The following OSBP variants were observed in gnomAD, a reference collection of about 807,000 sequenced individuals.
OSBP encodes oxysterol-binding protein 1.
OSBP carries 32 observed loss-of-function variants against 96.6 expected under a neutral mutation model. The observed-to-expected ratio is 0.33, with a 90% CI of 0.25 to 0.45. The LOEUF is 0.45. Among genes scored for constraint, OSBP ranks in the 20% least tolerant of loss-of-function variants. OSBP has a pLI of 1.00. For missense variants in OSBP, 653 were observed against 1,029.7 expected (o/e 0.63, Z 5.01); for synonymous variants, 369 against 389.6 (o/e 0.95, Z 0.62).
chr11:59,588,452 C>G (rs1383817337), intron 9 of OSBP, among the ~76,000 whole-genome samples: 3 of 151,172 alleles, frequency 2.0e-5, no homozygotes. Context: ...ACAAGAATCG[C>G]TTGAACCTGG....
At position 59,601,749 on chromosome 11, in the gene OSBP, C is replaced by T. The variant is rs1860727304; in HGVS notation, c.912G>A (p.Leu304=). ...TCGCCAGCTGCTCGAGGGTTTCTTC[C>T]AGTCGGATACGCTGGTCTCTTTCAT... is the stretch of plus-strand genomic sequence containing the variant. The part of the protein sequence containing the change: ...LQYERDQRIR[L]EETLEQLAKQ... The change falls in exon 4 of 14, where the codon CTG becomes CTA. Residue 304 remains leucine (L), a synonymous_variant. Coordinates refer to ENST00000263847, the MANE Select transcript of OSBP (RefSeq NM_002556.3). 1 of 1,614,180 alleles carries T rather than the reference C, an allele frequency of 6.2e-7. No individual in the cohort carries two copies. Among genetic ancestry groups the T allele is most frequent in the Non-Finnish European group, 8.5e-7 (1 of 1,180,036 alleles).
At chr11:59,604,572 T>C (rs149886721) in intron 3 of OSBP, among the ~76,000 whole-genome samples, 2,618 of 151,856 alleles carry the variant, frequency 0.017, 77 homozygotes, top group African/African-American at 0.06. Context: ...CATGGTGATG[T>C]GCGCCTGTAG....
At chr11:59,610,709 G>A in intron 1 of OSBP, 120 bp from the exon 2 acceptor site, 1 of 772,542 alleles carries the variant, frequency 1.3e-6, no homozygotes, top group East Asian at 2.7e-5. Context: ...GAATCAGCAA[G>A]TTCTAGTCCC....
chr11:59,608,203 G>A (rs1427545905), intron 3 of OSBP, among the ~76,000 whole-genome samples: 2 of 152,152 alleles, frequency 1.3e-5, no homozygotes, highest in Non-Finnish European at 2.9e-5. Context: ...ATACTGATCA[G>A]ATGTCCTAGT....
intron 7 of OSBP, among the ~76,000 whole-genome samples, chr11:59,594,914 CATGTGTGTGTTT>C (rs1373627709): frequency 6.6e-6 from 1 of 151,998 alleles, no homozygotes; most frequent in Admixed American, 6.5e-5. Flanking sequence ...ATAAAGCAAG[CATGTGTGTGTTT>C]ATGTGTGTGT....
Position 59,593,056 on chromosome 11 carries a change from C to G in OSBP, c.1678+548G>C, listed in dbSNP as rs1229241218. Among the ~76,000 whole-genome samples the G allele has an allele frequency of 2.6e-5, 4 of 152,132 alleles. No individual in the cohort carries two copies. In the East Asian group the frequency reaches 7.7e-4, roughly 29 times the overall value. ...CAGACAATCTGCCTGCCCTGGCCTCCCAAAGTGCTAGGATTACAGGGGTGA... is the reference window on the plus strand; with the variant it reads ...CAGACAATCTGCCTGCCCTGGCCTCGCAAAGTGCTAGGATTACAGGGGTGA... On this transcript the variant is annotated intron_variant, in intron 9 of 13. Transcript: ENST00000263847.
intron 7 of OSBP, among the ~76,000 whole-genome samples, 196 bp from the exon 8 acceptor site, chr11:59,594,451 T>C (rs918895721): frequency 1.3e-5 from 2 of 152,226 alleles, no homozygotes; most frequent in African/African-American, 4.8e-5. Flanking sequence ...ATCACTGTTT[T>C]CATTTCACTA....
intron 9 of OSBP, among the ~76,000 whole-genome samples, chr11:59,583,659 T>TTTTTC (rs1554979383): frequency 1.5e-5 from 2 of 137,698 alleles, no homozygotes; most frequent in East Asian, 2.1e-4. Context: ...TTTTTTTTTT[T>TTTTTC]TCGAGATGGA....
intron 7 of OSBP, among the ~76,000 whole-genome samples, chr11:59,599,027 G>C (rs759397856): frequency 1.3e-5 from 2 of 152,268 alleles, no homozygotes; most frequent in Non-Finnish European, 2.9e-5. Context: ...CCCCAGGACA[G>C]AAAGAAGCCT....
At chr11:59,611,993 T>C (rs973898389) in intron 1 of OSBP, among the ~76,000 whole-genome samples, 1 of 152,206 alleles carries the variant, frequency 6.6e-6, no homozygotes, top group South Asian at 2.1e-4. Flanking sequence ...CCTGTCCAAA[T>C]TGGAACACAG....
chr11:59,612,482 G>T (rs1002995850), intron 1 of OSBP, among the ~76,000 whole-genome samples: 2 of 152,038 alleles, frequency 1.3e-5, no homozygotes, highest in African/African-American at 4.8e-5. Flanking sequence ...TCTTCTGCCT[G>T]GGTCATCATT....
chr11:59,584,983 C>T (rs908721154), intron 9 of OSBP, among the ~76,000 whole-genome samples: 1 of 152,200 alleles, frequency 6.6e-6, no homozygotes, highest in East Asian at 1.9e-4. Context: ...TCTCGGCTCG[C>T]TACAACCTCC....
At chr11:59,589,865 C>A (rs143832392) in intron 9 of OSBP, among the ~76,000 whole-genome samples, 3 of 152,150 alleles carry the variant, frequency 2.0e-5, no homozygotes. Flanking sequence ...CACCTGTAAT[C>A]CCAGCTACTC....
intron 3 of OSBP, among the ~76,000 whole-genome samples, chr11:59,605,476 G>A (rs1474870664): frequency 6.6e-6 from 1 of 152,090 alleles, no homozygotes; most frequent in East Asian, 1.9e-4. Context: ...GCAGTGCTAC[G>A]ATCTCAGCTC....
In OSBP at chr11:59,574,543, G is replaced by A. The variant is rs1486216787; in HGVS notation, c.*2034C>T. 4 of 152,184 alleles carry A rather than the reference G, an allele frequency of 2.6e-5. No individual in the cohort carries two copies. Among genetic ancestry groups the A allele is most frequent in the African/African-American group, 2.4e-5 (1 of 41,288 alleles). 9.4% of individuals were successfully genotyped at this position (152,184 alleles called of 1,614,324 possible). A position where few individuals can be genotyped will look rare whatever the true frequency, so the allele number is the denominator to read the frequency against. ...AAGATTCTAAACTTCTTCCATTAGC[G>A]GGAATCTGATTGGGATCAGCCAGAA... On this transcript the variant is annotated 3_prime_UTR_variant, in exon 14 of 14. Coordinates refer to ENST00000263847, the MANE Select transcript of OSBP (RefSeq NM_002556.3).
intron 7 of OSBP, among the ~76,000 whole-genome samples, chr11:59,594,563 G>A (rs1271968199): frequency 1.3e-5 from 2 of 152,180 alleles, no homozygotes; most frequent in Non-Finnish European, 2.9e-5. Flanking sequence ...TCAAATAGGT[G>A]TTGGATGAAT....
At chr11:59,607,321 C>A (rs983148495) in intron 3 of OSBP, among the ~76,000 whole-genome samples, 1 of 152,164 alleles carries the variant, frequency 6.6e-6, no homozygotes, top group African/African-American at 2.4e-5. Context: ...ACACAAGCAC[C>A]CTGACTGGCT....
chr11:59,585,360 CGGCCGCCCCG>C (rs1860485378), intron 9 of OSBP, among the ~76,000 whole-genome samples: 3 of 118,736 alleles, frequency 2.5e-5, no homozygotes, highest in Non-Finnish European at 5.3e-5. Flanking sequence ...CGTCTCTGCC[CGGCCGCCCCG>C]TCTGAGAAGT....
At chr11:59,612,071 A>C (rs1860856070) in intron 1 of OSBP, among the ~76,000 whole-genome samples, 1 of 152,244 alleles carries the variant, frequency 6.6e-6, no homozygotes. Context: ...GGAGTCAAGC[A>C]GCCAAACACA....
Sources: gnomAD v4.1 joint callset for allele counts (sites outside exome capture counted in the v4.1 genomes callset) on GRCh38, gnomAD v4.1.1 for gene constraint, MANE v1.5 for transcripts, NCBI Gene and HGNC (gene_info 2026-07-23, HGNC 2026-07-21) for gene names.